The following ADAMTS18 variants were observed in gnomAD, a reference collection of about 807,000 sequenced individuals.
ADAMTS18 encodes the protein A disintegrin and metalloproteinase with thrombospondin motifs 18.
Under a neutral mutation model 165.9 loss-of-function variants are expected in ADAMTS18, and 157 were observed. The ratio of observed to expected loss-of-function variants is 0.95; its 90% CI spans 0.83 to 1.08. The LOEUF (loss-of-function observed/expected upper bound fraction) is 1.08. Among genes scored for constraint, ADAMTS18 ranks in the 50% least tolerant of loss-of-function variants. ADAMTS18 has a pLI of 0.00. For missense variants in ADAMTS18, 2,040 were observed against 1,534.0 expected, an observed-to-expected ratio of 1.33 and a Z score of -5.51; for synonymous variants, 782 against 578.2, an observed-to-expected ratio of 1.35 and a Z score of -5.06.
chr16:77,397,207 T>C (rs939912337), intron 3 of ADAMTS18, among the ~76,000 whole-genome samples: 7 of 152,112 alleles, frequency 4.6e-5, no homozygotes, highest in African/African-American at 1.7e-4. Flanking sequence ...AAGTTAGACA[T>C]GGGAAAGAAG....
intron 21 of ADAMTS18, chr16:77,290,544 A>ATAGATAACGTACGTACATATTGATACCT (rs2055342047): frequency 6.6e-6 from 1 of 152,326 alleles, no homozygotes; most frequent in Non-Finnish European, 1.5e-5. Flanking sequence ...AGATCCTCCC[A>ATAGATAACGTACGTACATATTGATACCT]GATAGATAAC....
At chr16:77,419,714 G>A (rs886437166) in intron 3 of ADAMTS18, among the ~76,000 whole-genome samples, 1 of 152,110 alleles carries the variant, frequency 6.6e-6, no homozygotes, top group Non-Finnish European at 1.5e-5. Context: ...GGCTGTCTTA[G>A]AAGCTGACCT....
intron 3 of ADAMTS18, among the ~76,000 whole-genome samples, chr16:77,380,426 C>T (rs1205484709): frequency 6.6e-6 from 1 of 152,148 alleles, no homozygotes; most frequent in African/African-American, 2.4e-5. Context: ...CAGAATACAG[C>T]GTCATGGCTG....
intron 3 of ADAMTS18, among the ~76,000 whole-genome samples, chr16:77,402,954 A>C (rs1330473011): frequency 6.6e-6 from 1 of 152,244 alleles, no homozygotes; most frequent in Non-Finnish European, 1.5e-5. Context: ...CAACTGCCGG[A>C]CAGCAATCAC....
chr16:77,416,806 G>C (rs1294633345), intron 3 of ADAMTS18, among the ~76,000 whole-genome samples: 5 of 152,176 alleles, frequency 3.3e-5, no homozygotes, highest in Non-Finnish European at 7.3e-5. Context: ...TAAAGGGACA[G>C]AAGAGATGAA....
chr16:77,389,628 C>T (rs1421551265), intron 3 of ADAMTS18, among the ~76,000 whole-genome samples: 2 of 152,168 alleles, frequency 1.3e-5, no homozygotes, highest in African/African-American at 4.8e-5. Flanking sequence ...CCGTTTTCTG[C>T]CTACTTGGAA....
At chr16:77,361,827 T>G (rs1423100215) in intron 7 of ADAMTS18, among the ~76,000 whole-genome samples, 1 of 151,948 alleles carries the variant, frequency 6.6e-6, no homozygotes. Context: ...GAGGTTGTAG[T>G]GAACCGAGAT....
At chr16:77,333,492 C>A (rs567649076) in intron 12 of ADAMTS18, among the ~76,000 whole-genome samples, 19 of 141,326 alleles carry the variant, frequency 1.3e-4, no homozygotes, top group African/African-American at 2.6e-4. Flanking sequence ...AAAGAAATAC[C>A]AAAAAAAAAA....
At chr16:77,429,600 T>C (rs1052273442) in intron 3 of ADAMTS18, among the ~76,000 whole-genome samples, 1 of 152,040 alleles carries the variant, frequency 6.6e-6, no homozygotes, top group Non-Finnish European at 1.5e-5. Context: ...TAAAAAAAAA[T>C]GGATAAAAAC....
chr16:77,419,154 G>A (rs373824915), intron 3 of ADAMTS18, among the ~76,000 whole-genome samples: 8 of 151,522 alleles, frequency 5.3e-5, no homozygotes, highest in Admixed American at 3.3e-4. Flanking sequence ...ATCTCAGGGG[G>A]AAAAAAAATC....
intron 12 of ADAMTS18, among the ~76,000 whole-genome samples, chr16:77,326,471 C>T (rs893449155): frequency 1.3e-5 from 2 of 152,158 alleles, no homozygotes; most frequent in Non-Finnish European, 2.9e-5. Context: ...CTGCCTCCAC[C>T]TCTCTGGCTC....
At chr16:77,367,970 G>A (rs2056823326) in intron 3 of ADAMTS18, among the ~76,000 whole-genome samples, 1 of 152,140 alleles carries the variant, frequency 6.6e-6, no homozygotes, top group Non-Finnish European at 1.5e-5. Flanking sequence ...TTGACCTCCT[G>A]GGCTCAAGTG....
intron 11 of ADAMTS18, among the ~76,000 whole-genome samples, chr16:77,337,760 T>C (rs1434423950): frequency 2.0e-5 from 3 of 152,208 alleles, no homozygotes; most frequent in Non-Finnish European, 4.4e-5. Context: ...TGTCTCCATT[T>C]GGCCTTTTAA....
At chr16:77,374,154 G>C (rs2056916795) in intron 3 of ADAMTS18, among the ~76,000 whole-genome samples, 1 of 150,608 alleles carries the variant, frequency 6.6e-6, no homozygotes, top group Non-Finnish European at 1.5e-5. Flanking sequence ...AGGAGGAGCA[G>C]TTTGCAGCGC....
intron 3 of ADAMTS18, among the ~76,000 whole-genome samples, chr16:77,422,713 C>A (rs1400291981): frequency 6.6e-6 from 1 of 152,038 alleles, no homozygotes; most frequent in Admixed American, 6.6e-5. Context: ...CAAAAAAATG[C>A]ATATTTTTTT....
intron 3 of ADAMTS18, among the ~76,000 whole-genome samples, chr16:77,414,405 CAT>C (rs1261181461): frequency 2.0e-5 from 3 of 152,186 alleles, no homozygotes; most frequent in African/African-American, 7.2e-5. Flanking sequence ...TCTGAAGACT[CAT>C]GTGAAAAATA....
chr16:77,324,326 C>T (rs1597122924), intron 13 of ADAMTS18, among the ~76,000 whole-genome samples: 4 of 152,342 alleles, frequency 2.6e-5, no homozygotes, highest in Admixed American at 2.6e-4. Context: ...CAGCATGCTT[C>T]CTACGAAATC....
At chr16:77,379,510 A>G (rs1033725790) in intron 3 of ADAMTS18, among the ~76,000 whole-genome samples, 9 of 151,978 alleles carry the variant, frequency 5.9e-5, no homozygotes, top group African/African-American at 2.2e-4. Context: ...ATTTTTTGAG[A>G]CAAAGTCTCA....
chr16:77,355,807 T>C, intron 9 of ADAMTS18, 133 bp downstream of exon 9: 2 of 1,083,958 alleles, frequency 1.8e-6, no homozygotes, highest in African/African-American at 1.5e-5. Flanking sequence ...ATCATCATTA[T>C]CATCATCATT....
Sources: allele counts gnomAD v4.1 joint callset (sites outside exome capture counted in the v4.1 genomes callset), GRCh38; gene constraint gnomAD v4.1.1; transcripts MANE v1.5; gene names NCBI Gene and HGNC (gene_info 2026-07-23, HGNC 2026-07-21).